Variants in NPHP4 observed in about 807,000 individuals in gnomAD.
The protein encoded by NPHP4 is nephrocystin-4.
In NPHP4, 151 loss-of-function variants were observed where a neutral mutation model predicts 155.8. The ratio of observed to expected loss-of-function variants is 0.97; its 90% CI spans 0.85 to 1.11. NPHP4 has a LOEUF of 1.11. Ranked by LOEUF, NPHP4 falls within the 50% of genes least tolerant of loss-of-function variation. The probability of loss-of-function intolerance (pLI) is 0.00; values close to 1 mark genes in which losing one functional copy is unlikely to be tolerated. For missense variants in NPHP4, 1,956 were observed against 1,925.7 expected, an observed-to-expected ratio of 1.02 and a Z score of -0.29; for synonymous variants, 845 against 816.8, an observed-to-expected ratio of 1.03 and a Z score of -0.59.
intron 9 of NPHP4, among the ~76,000 whole-genome samples, chr1:5,936,394 C>A (rs987805305): frequency 3.9e-5 from 6 of 152,182 alleles, no homozygotes; most frequent in Admixed American, 3.9e-4. Context: ...GAAGGCCAAG[C>A]ACAAGCAGAG....
At chr1:5,918,369 C>T (rs1645575466) in intron 11 of NPHP4, among the ~76,000 whole-genome samples, 1 of 152,060 alleles carries the variant, frequency 6.6e-6, no homozygotes, top group Non-Finnish European at 1.5e-5. Context: ...AATAACATTC[C>T]AAATCAAAAC....
rs557620258 is a variant in NPHP4, at chr1:5,892,653, T to G, written c.2144-1625A>C. Among the ~76,000 whole-genome samples the G allele has an allele frequency of 2.0e-4, 31 of 152,054 alleles. No individual in the cohort carries two copies. Among genetic ancestry groups the G allele is most frequent in the South Asian group, 1.5e-3 (7 of 4,826 alleles). On this transcript the variant is annotated intron_variant, in intron 16 of 29. Coordinates refer to ENST00000378156, the MANE Select transcript of NPHP4 (RefSeq NM_015102.5). The surrounding 1 kb of genome is among the most constrained non-coding windows in gnomAD (Gnocchi z 4.5). ...GACAGAGGGTCCCACTGGGTCGAGC[T>G]GTGTTTGGGACGCGCGTACTCTCCC...
intron 9 of NPHP4, among the ~76,000 whole-genome samples, chr1:5,937,719 G>A (rs1369985251): frequency 6.6e-6 from 1 of 152,222 alleles, no homozygotes; most frequent in Non-Finnish European, 1.5e-5. Flanking sequence ...CACCTCGATG[G>A]AGGTGACATG....
intron 1 of NPHP4, among the ~76,000 whole-genome samples, chr1:5,987,521 G>C (rs1655664827): frequency 6.6e-6 from 1 of 152,070 alleles, no homozygotes; most frequent in Non-Finnish European, 1.5e-5. Flanking sequence ...ACCCAAGGCT[G>C]GTTGGGTTGA....
intron 2 of NPHP4, among the ~76,000 whole-genome samples, chr1:5,983,037 C>T (rs1654959080): frequency 6.6e-6 from 1 of 152,106 alleles, no homozygotes; most frequent in African/African-American, 2.4e-5. Context: ...ATTGATGGTA[C>T]ACTTGGGAAG....
At chr1:5,953,640 A>G (rs1051436421) in intron 6 of NPHP4, among the ~76,000 whole-genome samples, 8 of 152,210 alleles carry the variant, frequency 5.3e-5, no homozygotes, top group African/African-American at 1.9e-4. Context: ...GCACCACGAG[A>G]AAAGGGTCCC....
At chr1:5,959,220 G>A (rs868275825) in intron 6 of NPHP4, among the ~76,000 whole-genome samples, 6 of 152,116 alleles carry the variant, frequency 3.9e-5, no homozygotes, top group Middle Eastern at 6.8e-3. Context: ...AGCATAAAAC[G>A]TCATTAATTT....
chr1:5,867,050 T>C lies in NPHP4; in HGVS notation c.3538A>G (p.Ile1180Val). Residue 1180 changes from isoleucine to valine, a missense_variant, in exon 25 of 30, where the codon ATC (isoleucine) becomes GTC (valine). By Grantham distance (29) the Ile-to-Val change is conservative (BLOSUM62 3). Coordinates refer to ENST00000378156, the MANE Select transcript of NPHP4 (RefSeq NM_015102.5). The surrounding 1 kb of genome is among the most constrained non-coding windows in gnomAD (Gnocchi z 4.1). ...VHVRCSDPNV[I>V]CETQNVGPGE... ...CCTACCACATTCTGGGTCTCACAGA[T>C]GACGTTCGGGTCGCTGCAGCGAACA... The C allele has an allele frequency of 6.2e-7, 1 of 1,613,022 alleles. No individual in the cohort carries two copies. Among genetic ancestry groups the C allele is most frequent in the South Asian group, 1.1e-5 (1 of 90,748 alleles).
chr1:5,911,693 T>G (rs1339829769), intron 11 of NPHP4, among the ~76,000 whole-genome samples: 1 of 152,094 alleles, frequency 6.6e-6, no homozygotes, highest in Non-Finnish European at 1.5e-5. Context: ...AGATACCTGG[T>G]GGGAAGCCCA....
chr1:5,983,755 T>C (rs550730549), intron 2 of NPHP4, among the ~76,000 whole-genome samples: 71 of 152,364 alleles, frequency 4.7e-4, no homozygotes, highest in Non-Finnish European at 8.7e-4. Context: ...TTACGTTTCC[T>C]TGATGATCAC....
At chr1:5,875,299 G>A (rs1287636) in intron 20 of NPHP4, among the ~76,000 whole-genome samples, 199 bp from the exon 21 acceptor site, 2,258 of 151,880 alleles carry the variant, frequency 0.015, 22 homozygotes, top group Middle Eastern at 0.034. Context: ...GGCAGTGCTG[G>A]ACAGAGATCT....
chr1:5,963,689 CTTTTTTTTTTT>C (rs57131022), intron 5 of NPHP4, among the ~76,000 whole-genome samples: 2 of 122,944 alleles, frequency 1.6e-5, no homozygotes, highest in African/African-American at 6.0e-5. Context: ...CTTTTCTTTT[CTTTTTTTTTTT>C]TTTTTTTGAG....
At chr1:5,901,524 T>C (rs893933776) in intron 16 of NPHP4, among the ~76,000 whole-genome samples, 1 of 152,262 alleles carries the variant, frequency 6.6e-6, no homozygotes, top group African/African-American at 2.4e-5. Flanking sequence ...AATTTGATTT[T>C]GGAGTTTCAT....
intron 11 of NPHP4, among the ~76,000 whole-genome samples, chr1:5,918,693 G>C (rs1645589946): frequency 6.6e-6 from 1 of 152,182 alleles, no homozygotes; most frequent in African/African-American, 2.4e-5. Context: ...GGCGCATACT[G>C]AATGTTTAAA....
chr1:5,902,590 C>A (rs951335174), intron 16 of NPHP4, among the ~76,000 whole-genome samples: 1 of 152,018 alleles, frequency 6.6e-6, no homozygotes, highest in Non-Finnish European at 1.5e-5. Flanking sequence ...AGCATTTACA[C>A]TTATCAAATT....
At position 5,864,349 on chromosome 1, in the gene NPHP4, G is replaced by T; in HGVS notation, c.3985C>A (p.Leu1329Ile). ...CCACACATACAGACCTTGGAGATGA[G>T]CGGCTGGCGGCAGCAGAGGCACACG... is the stretch of plus-strand genomic sequence containing the variant. ...WLVCLCCRQP[L>I]ISKAFEIMLA... The change falls in exon 28 of 30, where the codon CTC (leucine) becomes ATC (isoleucine). Residue 1329 changes from leucine to isoleucine, a missense_variant. Physicochemically the swap from Leu to Ile is conservative, Grantham distance 5. Coordinates refer to ENST00000378156, the MANE Select transcript of NPHP4 (RefSeq NM_015102.5). 6.2e-7 allele frequency: 1 copy of T among 1,606,570 alleles called. No individual in the cohort carries two copies. The highest frequency in any genetic ancestry group is 8.5e-7 in the Non-Finnish European group (1 of 1,175,982).
At chr1:5,941,218 G>C (rs1407783120) in intron 9 of NPHP4, among the ~76,000 whole-genome samples, 3 of 141,540 alleles carry the variant, frequency 2.1e-5, no homozygotes, top group Non-Finnish European at 1.5e-5. Context: ...GTAAGTGGTA[G>C]TGGGACCAGA....
Position 5,905,291 on chromosome 1 carries a change from C to A in NPHP4, c.1955+1G>T. ...GAGTAACAGAATATTCAAGGATTTA[C>A]CTGCTAAAGGCAAGAAACTGTAGCA... On this transcript the variant is annotated splice_donor_variant, in intron 15 of 29. Coordinates refer to ENST00000378156, the MANE Select transcript of NPHP4 (RefSeq NM_015102.5). LOFTEE classifies it high-confidence loss of function. The surrounding 1 kb of genome is among the most constrained non-coding windows in gnomAD (Gnocchi z 4.0). 6.2e-7 allele frequency: 1 copy of A among 1,609,992 alleles called. No homozygotes were observed. The highest frequency in any genetic ancestry group is 1.1e-5 in the South Asian group (1 of 91,012).
At chr1:5,931,379 T>C (rs1178567446) in intron 10 of NPHP4, among the ~76,000 whole-genome samples, 1 of 146,408 alleles carries the variant, frequency 6.8e-6, no homozygotes, top group Non-Finnish European at 1.5e-5. Flanking sequence ...CTGTAGTCAA[T>C]AGGTGTGTAA....
Sources: gnomAD v4.1 joint callset for allele counts (sites outside exome capture counted in the v4.1 genomes callset) on GRCh38, gnomAD v4.1.1 for gene constraint, Gnocchi (gnomAD v3.1) non-coding constraint, MANE v1.5 for transcripts, NCBI Gene and HGNC (gene_info 2026-07-23, HGNC 2026-07-21) for gene names.